Variants in ASIP observed in about 807,000 individuals in gnomAD.
The protein encoded by ASIP is agouti-signaling protein.
In ASIP, 11 loss-of-function variants were observed where a neutral mutation model predicts 10.3. The ratio of observed to expected loss-of-function variants is 1.07; its 90% confidence interval spans 0.68 to 1.78. The LOEUF (loss-of-function observed/expected upper bound fraction) is 1.78. Ranked by LOEUF, ASIP falls within the 40% of genes most tolerant of loss-of-function variation. The pLI is 0.00. For missense variants in ASIP, 180 were observed against 169.2 expected (o/e 1.06, Z -0.35); for synonymous variants, 70 against 70.8 (o/e 0.99, Z 0.06).
intron 1 of ASIP, among the ~76,000 whole-genome samples, chr20:34,242,956 T>C (rs1030104254): frequency 1.3e-5 from 2 of 152,236 alleles, no homozygotes; most frequent in African/African-American, 2.4e-5. Flanking sequence ...AAAACCAATA[T>C]AGTACCCACT....
In ASIP at chr20:34,214,067, CA is replaced by C. The variant is rs1601574188; in HGVS notation, c.-11+19309del. ...TATTCATTATTAACAATCATCACTC[CA>C]ACTGTCTCATAAATAAAATTTGATC... On this transcript the variant is annotated intron_variant, in intron 1 of 3. Coordinates refer to the ASIP transcript ENST00000568305. 1.4e-5 allele frequency: 17 copies of C among 1,242,536 alleles called. No homozygotes were observed. In the East Asian group the frequency reaches 3.9e-4, roughly 29 times the overall value. 77.0% of individuals were successfully genotyped at this position (1,242,536 alleles called of 1,614,324 possible).
chr20:34,208,265 C>T (rs180681222), intron 1 of ASIP, among the ~76,000 whole-genome samples: 201 of 152,196 alleles, frequency 1.3e-3, no homozygotes, highest in African/African-American at 4.7e-3. Context: ...ATCAGGATAG[C>T]TTTGGCTATT....
In ASIP at chr20:34,269,197, G is replaced by A. The variant is rs1425441334; in HGVS notation, c.*30G>A. The A allele has an allele frequency of 2.1e-6, 3 of 1,459,084 alleles. No individual in the cohort carries two copies. The highest frequency in any genetic ancestry group is 1.5e-5 in the African/African-American group (1 of 67,936). The allele number at this position is 1,459,084 out of a possible 1,614,324, so 90.4% of individuals were successfully genotyped here. On this transcript the variant is annotated 3_prime_UTR_variant, in exon 4 of 4. Transcript: ENST00000374954. ...CCCCACTCCCGGCCGCGAGCAGGCA[G>A]GGCTTCGGGGACGCGGGGCGCTTCT... is the stretch of plus-strand genomic sequence containing the variant.
intron 1 of ASIP, among the ~76,000 whole-genome samples, chr20:34,258,685 A>ATATATATATATG (rs1336922136): frequency 2.7e-5 from 2 of 74,492 alleles, no homozygotes; most frequent in African/African-American, 1.7e-4. Context: ...ATATATATAT[A>ATATATATATATG]TATATACATA....
chr20:34,206,735 C>T (rs559391523), intron 1 of ASIP, among the ~76,000 whole-genome samples: 8 of 152,262 alleles, frequency 5.3e-5, no homozygotes, highest in East Asian at 3.9e-4. Flanking sequence ...CAAGCCACCA[C>T]GCCTGGCTAA....
In ASIP at chr20:34,260,369, C is replaced by T. The variant is rs1184032257; in HGVS notation, c.-6C>T. The T allele has an allele frequency of 6.2e-7, 1 of 1,612,866 alleles. No individual in the cohort carries two copies. Among genetic ancestry groups the T allele is most frequent in the East Asian group, 2.2e-5 (1 of 44,880 alleles). On this transcript the variant is annotated 5_prime_UTR_variant, in exon 2 of 4. Transcript: ENST00000374954. ...CACCTTCTCTGTCCCACTCAGGCCT[C>T]CTGGGATGGATGTCACCCGCTTACT...
At chr20:34,197,199 C>A (rs2034863823) in intron 1 of ASIP, among the ~76,000 whole-genome samples, 1 of 151,952 alleles carries the variant, frequency 6.6e-6, no homozygotes, top group Non-Finnish European at 1.5e-5. Context: ...ATGGTGAAAC[C>A]CTGTCTCTAC....
chr20:34,258,153 A>AAAG (rs2035605704), intron 1 of ASIP, among the ~76,000 whole-genome samples: 1 of 151,832 alleles, frequency 6.6e-6, no homozygotes, highest in Admixed American at 6.6e-5. Context: ...TAAAAAAAAA[A>AAAG]AGAGAGAAAG....
intron 3 of ASIP, among the ~76,000 whole-genome samples, chr20:34,268,650 C>A (rs1601622641): frequency 6.6e-6 from 1 of 151,860 alleles, no homozygotes; most frequent in African/African-American, 2.4e-5. Context: ...GTGGCAGAAT[C>A]GCCTGAGCCC....
At chr20:34,209,770 C>G (rs1420151763) in intron 1 of ASIP, among the ~76,000 whole-genome samples, 1 of 152,170 alleles carries the variant, frequency 6.6e-6, no homozygotes, top group African/African-American at 2.4e-5. Context: ...TGGCATTGGC[C>G]TGCAGGTGTC....
At chr20:34,235,927 GAAGC>G (rs2035196079) in intron 1 of ASIP, among the ~76,000 whole-genome samples, 2 of 130,994 alleles carry the variant, frequency 1.5e-5, no homozygotes, top group Admixed American at 7.3e-5. Context: ...AGGAAGGAAG[GAAGC>G]GGGAGGGAGG....
At chr20:34,260,870 A>G (rs1257238848) in intron 2 of ASIP, among the ~76,000 whole-genome samples, 1 of 152,198 alleles carries the variant, frequency 6.6e-6, no homozygotes, top group Non-Finnish European at 1.5e-5. Flanking sequence ...GCTCCAGAAC[A>G]TATGCAAGTC....
chr20:34,220,974 T>TTTC, intron 1 of ASIP, among the ~76,000 whole-genome samples: 1 of 149,436 alleles, frequency 6.7e-6, no homozygotes, highest in East Asian at 1.9e-4. Flanking sequence ...TTTTTTTTTT[T>TTTC]TTCTTCAGTG....
chr20:34,198,620 G>A (rs1343941211), intron 1 of ASIP, among the ~76,000 whole-genome samples: 3 of 151,934 alleles, frequency 2.0e-5, no homozygotes, highest in African/African-American at 7.3e-5. Context: ...CAAGTAGCTA[G>A]GATTACAGGC....
At chr20:34,213,874 G>C in intron 1 of ASIP, 1 of 1,562,256 alleles carries the variant, frequency 6.4e-7, no homozygotes, top group Non-Finnish European at 8.8e-7. Flanking sequence ...GTTGCTGAAA[G>C]CTTTACTAGT....
rs540358829 is a variant in ASIP, at chr20:34,203,594, G to A, written c.-11+8834G>A. On this transcript the variant is annotated intron_variant, in intron 1 of 3. Coordinates refer to the ASIP transcript ENST00000568305. ...TGCATTATTGTAGAGACAGGGTTTC[G>A]CCACGTTGGCCTGGCTGGTCTCGAA... 2.2e-3 allele frequency among the ~76,000 whole-genome samples: 336 copies of A among 151,558 alleles called. 3 individuals are homozygous for A. Among genetic ancestry groups the A allele is most frequent in the African/African-American group, 7.8e-3 (322 of 41,312 alleles).
At chr20:34,220,426 G>A (rs2035038042) in intron 1 of ASIP, among the ~76,000 whole-genome samples, 1 of 152,038 alleles carries the variant, frequency 6.6e-6, no homozygotes, top group Non-Finnish European at 1.5e-5. Flanking sequence ...ATGAAACCCT[G>A]TCTCTACAAA....
intron 1 of ASIP, among the ~76,000 whole-genome samples, chr20:34,242,389 C>T (rs1259717404): frequency 2.0e-5 from 3 of 152,170 alleles, no homozygotes; most frequent in African/African-American, 4.8e-5. Flanking sequence ...CACACCACCA[C>T]GCCTGGCTAA....
rs2035673671 is a variant in ASIP, at chr20:34,260,597, C to T, written c.160+63C>T. On this transcript the variant is annotated intron_variant, in intron 2 of 3. Transcript: ENST00000374954. ...GGGCTGCAGGAGATCAAGCATGCTT[C>T]CCAGGGTGCTACCAGGATCCACCGC... The T allele has an allele frequency of 3.3e-6, 5 of 1,501,332 alleles. No individual in the cohort carries two copies. The African/African-American group carries it at 5.5e-5, about 17-fold the overall frequency. The allele number at this position is 1,501,332 out of a possible 1,614,324, so 93.0% of individuals were successfully genotyped here.
Sources: allele counts gnomAD v4.1 joint callset (sites outside exome capture counted in the v4.1 genomes callset), GRCh38; gene constraint gnomAD v4.1.1; transcripts MANE v1.5; gene names NCBI Gene and HGNC (gene_info 2026-07-23, HGNC 2026-07-21).